ST8SIA5: variants seen among roughly 807,000 people sequenced by gnomAD.
The protein encoded by ST8SIA5 is ST8 alpha-N-acetyl-neuraminide alpha-2,8-sialyltransferase 5, also known as alpha-2,8-sialyltransferase 8E.
ST8SIA5 carries 24 observed loss-of-function variants against 40.2 expected under a neutral mutation model. That is an observed-to-expected ratio of 0.60 (90% CI 0.43 to 0.84). The LOEUF is 0.84. Among genes scored for constraint, ST8SIA5 ranks in the 40% least tolerant of loss-of-function variants. ST8SIA5 has a pLI of 0.00. For missense variants in ST8SIA5, 465 were observed against 498.5 expected, an observed-to-expected ratio of 0.93 and a Z score of 0.64; for synonymous variants, 198 against 201.8, an observed-to-expected ratio of 0.98 and a Z score of 0.16.
intron 2 of ST8SIA5, 148 bp from the exon 3 acceptor site, chr18:46,692,403 T>G (rs751168595): frequency 6.1e-5 from 40 of 651,770 alleles, no homozygotes; most frequent in Non-Finnish European, 9.3e-5. Context: ...TTCTCTTTCT[T>G]TGTTTCTTTT....
rs529675198 is a variant in ST8SIA5 at position 46,680,020 on chromosome 18, C to T, written c.*22G>A. Reference sequence around the variant, plus strand: ...CAGCAGGAGAGGGGGCGCCGCTTGCCGGGCAGCCTGGCTGGCAGCCATCAG... The same window carrying T: ...CAGCAGGAGAGGGGGCGCCGCTTGCTGGGCAGCCTGGCTGGCAGCCATCAG... On this transcript the variant is annotated 3_prime_UTR_variant, in exon 7 of 7. Transcript: ENST00000315087. 4.4e-5 allele frequency: 69 copies of T among 1,582,280 alleles called. No individual in the cohort carries two copies. In the South Asian group the frequency reaches 5.7e-4, roughly 13 times the overall value.
intron 1 of ST8SIA5, among the ~76,000 whole-genome samples, chr18:46,714,569 A>G (rs1348602247): frequency 6.6e-6 from 1 of 152,136 alleles, no homozygotes; most frequent in Non-Finnish European, 1.5e-5. Context: ...CGGCCTCCTC[A>G]GTTTACAGGA....
intron 1 of ST8SIA5, among the ~76,000 whole-genome samples, chr18:46,752,756 T>C (rs991767007): frequency 6.6e-6 from 1 of 152,250 alleles, no homozygotes; most frequent in African/African-American, 2.4e-5. Context: ...GCCTTTGCTG[T>C]GTCCCTGAAA....
At chr18:46,688,974 G>A (rs1417944723) in intron 3 of ST8SIA5, 55 bp from the exon 4 acceptor site, 8 of 1,572,216 alleles carry the variant, frequency 5.1e-6, no homozygotes, top group South Asian at 1.2e-5. Context: ...ATGTGATGGA[G>A]GGCAGAGCAC....
chr18:46,705,388 T>C (rs187970313), intron 1 of ST8SIA5, among the ~76,000 whole-genome samples: 1 of 152,352 alleles, frequency 6.6e-6, no homozygotes, highest in East Asian at 1.9e-4. Flanking sequence ...GCCCTTACCA[T>C]AGGCTAAGCA....
intron 4 of ST8SIA5, among the ~76,000 whole-genome samples, chr18:46,687,510 C>T (rs1568251272): frequency 6.6e-6 from 1 of 152,134 alleles, no homozygotes. Context: ...GCATTACCTG[C>T]GTGAGATGCA....
rs761526942 is a variant in ST8SIA5 at position 46,674,553 on chromosome 18, G to T, written c.*5489C>A. ...CCCAGGAACCAGAGACCTCATTACT[G>T]TAGTAAACATGTGTTGAGTGGCCAT... On this transcript the variant is annotated 3_prime_UTR_variant, in exon 7 of 7. Coordinates refer to ENST00000315087, the MANE Select transcript of ST8SIA5 (RefSeq NM_013305.6). The T allele has an allele frequency of 1.3e-5, 2 of 152,264 alleles. No individual in the cohort carries two copies. The highest frequency in any genetic ancestry group is 2.9e-5 in the Non-Finnish European group (2 of 68,070). 9.4% of individuals were successfully genotyped at this position (152,264 alleles called of 1,614,324 possible).
intron 1 of ST8SIA5, among the ~76,000 whole-genome samples, chr18:46,755,513 T>A (rs1457001827): frequency 6.6e-6 from 1 of 152,068 alleles, no homozygotes; most frequent in African/African-American, 2.4e-5. Flanking sequence ...TCCCCTAATC[T>A]CTCAAACCAG....
intron 4 of ST8SIA5, among the ~76,000 whole-genome samples, chr18:46,688,057 T>A (rs964586758): frequency 6.6e-5 from 10 of 152,192 alleles, no homozygotes; most frequent in Admixed American, 6.5e-4. Context: ...ACAGTTCACG[T>A]CTGCAGCTCA....
intron 1 of ST8SIA5, among the ~76,000 whole-genome samples, chr18:46,726,013 T>A (rs1295704243): frequency 1.5e-4 from 6 of 40,552 alleles, no homozygotes; most frequent in East Asian, 1.6e-3. Flanking sequence ...ATATATATCC[T>A]GGATATATAT....
At chr18:46,685,620 G>A (rs911095309) in intron 5 of ST8SIA5, among the ~76,000 whole-genome samples, 7 of 152,180 alleles carry the variant, frequency 4.6e-5, no homozygotes, top group South Asian at 2.1e-4. Flanking sequence ...TGCTTCATGC[G>A]ACCCCACTGC....
At chr18:46,716,086 GGATAGATAGATAGATAGATA>G (rs61514320) in intron 1 of ST8SIA5, among the ~76,000 whole-genome samples, 72 of 139,774 alleles carry the variant, frequency 5.2e-4, no homozygotes, top group African/African-American at 1.7e-3. Flanking sequence ...GAGTCACACA[GGATAGATAGATAGATAGATA>G]GATAGATAGA....
chr18:46,723,421 A>G (rs541908748), intron 1 of ST8SIA5, among the ~76,000 whole-genome samples: 69 of 152,224 alleles, frequency 4.5e-4, no homozygotes, highest in Non-Finnish European at 7.6e-4. Context: ...GCATGGTGGC[A>G]CTTGCCTGTA....
chr18:46,755,759 A>AG (rs1283019599), intron 1 of ST8SIA5, among the ~76,000 whole-genome samples: 2 of 151,810 alleles, frequency 1.3e-5, no homozygotes, highest in African/African-American at 2.4e-5. Flanking sequence ...GCTAAGGATG[A>AG]GAAAAAAAAA....
chr18:46,756,814 G>T lies in ST8SIA5; in HGVS notation c.-306C>A, dbSNP rs1462748197. On this transcript the variant is annotated 5_prime_UTR_variant, in exon 1 of 7. Transcript: ENST00000315087. The stretch of plus-strand genomic sequence containing the variant: ...GTGCCGGGTAGCCGCCGATTTCCCC[G>T]CGGAGGGGAGACGCCAGGTGCCACG... 7 of 320,744 alleles carry T rather than the reference G, an allele frequency of 2.2e-5. No homozygotes were observed. The highest frequency in any genetic ancestry group is 6.6e-5 in the African/African-American group (3 of 45,128). The allele number at this position is 320,744 out of a possible 1,614,324, so 19.9% of individuals were successfully genotyped here.
chr18:46,716,120 A>ATAGATAGATAGATAGG (rs2144519801), intron 1 of ST8SIA5, among the ~76,000 whole-genome samples: 1 of 152,094 alleles, frequency 6.6e-6, no homozygotes, highest in African/African-American at 2.4e-5. Flanking sequence ...AGATAGATAG[A>ATAGATAGATAGATAGG]TAGATAGATA....
At chr18:46,746,616 T>C (rs1202872836) in intron 1 of ST8SIA5, among the ~76,000 whole-genome samples, 8 of 152,110 alleles carry the variant, frequency 5.3e-5, no homozygotes, top group East Asian at 1.9e-4. Context: ...ATAGGAAGAA[T>C]CAATATCATG....
At chr18:46,682,135 A>C in intron 5 of ST8SIA5, 71 bp from the exon 6 acceptor site, 9 of 675,986 alleles carry the variant, frequency 1.3e-5, no homozygotes, top group Non-Finnish European at 2.1e-5. Flanking sequence ...GTGCAGGGGG[A>C]GGGGAGGGAT....
intron 1 of ST8SIA5, among the ~76,000 whole-genome samples, chr18:46,737,256 T>C (rs906324047): frequency 6.6e-6 from 1 of 152,094 alleles, no homozygotes; most frequent in South Asian, 2.1e-4. Context: ...CCCACCAGGG[T>C]ACTCCCACCC....
Sources: allele counts gnomAD v4.1 joint callset (sites outside exome capture counted in the v4.1 genomes callset), GRCh38; gene constraint gnomAD v4.1.1; transcripts MANE v1.5; gene names NCBI Gene and HGNC (gene_info 2026-07-23, HGNC 2026-07-21).